Variants in NFILZ observed in about 807,000 individuals in gnomAD.
NFILZ encodes the protein NFIL3 like protein.
chr19:8,639,545 C>T (rs189767888), intron 3 of NFILZ, among the ~76,000 whole-genome samples: 4 of 151,430 alleles, frequency 2.6e-5, no homozygotes, highest in East Asian at 3.9e-4. Context: ...GAGCTATGAT[C>T]GCACCACAGC....
chr19:8,653,991 G>A (rs1472782526), intron 3 of NFILZ, among the ~76,000 whole-genome samples: 1 of 152,080 alleles, frequency 6.6e-6, no homozygotes, highest in African/African-American at 2.4e-5. Flanking sequence ...CATTTTGGGA[G>A]GCCAAGGCAG....
intron 1 of NFILZ, among the ~76,000 whole-genome samples, chr19:8,632,156 A>G (rs1353353505): frequency 1.3e-5 from 2 of 151,718 alleles, no homozygotes; most frequent in Non-Finnish European, 2.9e-5. Flanking sequence ...GGCGTGAGCC[A>G]CCGCGCCCGG....
At chr19:8,666,842 C>T (rs993312857) in intron 3 of NFILZ, among the ~76,000 whole-genome samples, 1 of 152,074 alleles carries the variant, frequency 6.6e-6, no homozygotes, top group East Asian at 1.9e-4. Context: ...TCAGGTGATC[C>T]TCCCACTTCA....
At chr19:8,662,866 A>G (rs1555749286) in intron 3 of NFILZ, among the ~76,000 whole-genome samples, 1 of 150,094 alleles carries the variant, frequency 6.7e-6, no homozygotes, top group African/African-American at 2.5e-5. Flanking sequence ...TCAACTCCTG[A>G]CCTCTTGATC....
intron 3 of NFILZ, among the ~76,000 whole-genome samples, chr19:8,653,041 T>TCTCTCC (rs1555747937): frequency 1.0e-3 from 66 of 63,228 alleles, no homozygotes; most frequent in East Asian, 1.8e-3. Flanking sequence ...TCTTTCTTTC[T>TCTCTCC]CTCTCTCTCT....
intron 4 of NFILZ, among the ~76,000 whole-genome samples, chr19:8,675,909 G>A (rs2918302): frequency 0.19 from 28,802 of 152,110 alleles, 2,913 homozygotes; most frequent in Admixed American, 0.24. Context: ...GATGGTGGAT[G>A]GTTGAGATCA....
chr19:8,646,289 G>A lies in NFILZ; in HGVS notation c.-164+10543G>A, dbSNP rs144164273. On this transcript the variant is annotated intron_variant, in intron 3 of 5. Coordinates refer to ENST00000691075, the MANE Select transcript of NFILZ (RefSeq NM_001378600.1). Reference sequence around the variant, plus strand: ...TGACCTCAAGTGATCTGCCCACCTCGGCCTCCCAAAGTGCTGGGATTACAG... The same window carrying A: ...TGACCTCAAGTGATCTGCCCACCTCAGCCTCCCAAAGTGCTGGGATTACAG... Among the ~76,000 whole-genome samples the A allele has an allele frequency of 3.3e-3, 499 of 152,134 alleles. 4 individuals carry two copies. The highest frequency in any genetic ancestry group is 0.011 in the African/African-American group (465 of 41,508).
At chr19:8,649,102 A>G (rs1197857144) in intron 3 of NFILZ, among the ~76,000 whole-genome samples, 3 of 151,232 alleles carry the variant, frequency 2.0e-5, no homozygotes, top group African/African-American at 4.9e-5. Flanking sequence ...GGCTGGGACC[A>G]CAGGCAGGCA....
In NFILZ at chr19:8,680,658, A is replaced by C. The variant is rs2043142469; in HGVS notation, c.*3023A>C. Among the ~76,000 whole-genome samples, 1 of 152,188 alleles carries C rather than the reference A, an allele frequency of 6.6e-6. No homozygotes were observed. Among genetic ancestry groups the C allele is most frequent in the Non-Finnish European group, 1.5e-5 (1 of 68,042 alleles). On this transcript the variant is annotated 3_prime_UTR_variant, in exon 6 of 6. Transcript: ENST00000691075. Reference sequence around the variant, plus strand: ...AAAACATATAGTAGGATCAATGATGATACGTGTCATGGAGAAAAAAGGGAG... The same window carrying C: ...AAAACATATAGTAGGATCAATGATGCTACGTGTCATGGAGAAAAAAGGGAG...
At position 8,666,913 on chromosome 19, in the gene NFILZ, T is replaced by TTG. The variant is rs1491278951; in HGVS notation, c.-163-7637_-163-7636insGT. Among the ~76,000 whole-genome samples, 12 of 48,352 alleles carry TTG rather than the reference T, an allele frequency of 2.5e-4. No homozygotes were observed. In the African/African-American group the frequency reaches 2.6e-3, roughly 10 times the overall value. The allele number at this position is 48,352 out of a possible 152,430, so 31.7% of individuals were successfully genotyped here. A position where few individuals can be genotyped will look rare whatever the true frequency, so the allele number is the denominator to read the frequency against. On this transcript the variant is annotated intron_variant, in intron 3 of 5. Coordinates refer to ENST00000691075, the MANE Select transcript of NFILZ (RefSeq NM_001378600.1). ...CCATGCCCGGCTAATTTTTGAAAAC[T>TTG]TTTTTTTTTTTTTTTTTGTAGAGAC...
intron 3 of NFILZ, among the ~76,000 whole-genome samples, chr19:8,660,841 T>C (rs1461974876): frequency 1.3e-5 from 2 of 151,682 alleles, no homozygotes; most frequent in Non-Finnish European, 2.9e-5. Context: ...GGTTTCATCA[T>C]GTTGGCCAGG....
chr19:8,661,352 T>C (rs1555749111), intron 3 of NFILZ, among the ~76,000 whole-genome samples: 1 of 151,498 alleles, frequency 6.6e-6, no homozygotes, highest in African/African-American at 2.4e-5. Flanking sequence ...TTTGTAGAGA[T>C]GGGTTTCGCC....
At chr19:8,662,160 G>A (rs1329245139) in intron 3 of NFILZ, among the ~76,000 whole-genome samples, 1 of 150,214 alleles carries the variant, frequency 6.7e-6, no homozygotes, top group Non-Finnish European at 1.5e-5. Flanking sequence ...AGCCATGATT[G>A]CACCACAACA....
intron 3 of NFILZ, among the ~76,000 whole-genome samples, chr19:8,648,030 C>T (rs1423669958): frequency 4.0e-5 from 6 of 151,344 alleles, no homozygotes; most frequent in Non-Finnish European, 5.9e-5. Flanking sequence ...AAAAATTAGC[C>T]GGGCATGGTA....
intron 3 of NFILZ, among the ~76,000 whole-genome samples, chr19:8,642,185 T>A (rs948948343): frequency 7.4e-5 from 11 of 148,380 alleles, no homozygotes; most frequent in Non-Finnish European, 1.5e-4. Context: ...TTTTTTTTTT[T>A]AAGTGTAGAC....
At chr19:8,642,790 C>T (rs2042924296) in intron 3 of NFILZ, among the ~76,000 whole-genome samples, 1 of 151,948 alleles carries the variant, frequency 6.6e-6, no homozygotes, top group Non-Finnish European at 1.5e-5. Context: ...ATGGTCAAAC[C>T]CAGACTCAGG....
chr19:8,661,658 G>T (rs1376128937), intron 3 of NFILZ, among the ~76,000 whole-genome samples: 10 of 152,304 alleles, frequency 6.6e-5, no homozygotes, highest in African/African-American at 2.4e-4. Context: ...TTGGGAGTCC[G>T]AGGAGGGTGG....
chr19:8,646,523 A>T (rs1555747082), intron 3 of NFILZ, among the ~76,000 whole-genome samples: 1 of 152,130 alleles, frequency 6.6e-6, no homozygotes, highest in Non-Finnish European at 1.5e-5. Flanking sequence ...ACTGTTTCCC[A>T]GTAATGCCAG....
At chr19:8,650,526 C>T (rs765987942) in intron 3 of NFILZ, among the ~76,000 whole-genome samples, 3 of 152,034 alleles carry the variant, frequency 2.0e-5, no homozygotes, top group East Asian at 1.9e-4. Context: ...TGGTGGCACG[C>T]GCCTGTAATC....
Sources: allele counts gnomAD v4.1 joint callset (sites outside exome capture counted in the v4.1 genomes callset), GRCh38; gene constraint gnomAD v4.1.1; transcripts MANE v1.5; gene names NCBI Gene and HGNC (gene_info 2026-07-23, HGNC 2026-07-21).